The following RABL6 variants were observed in gnomAD, a reference collection of about 807,000 sequenced individuals.
RABL6 encodes rab-like protein 6.
RABL6 carries 28 observed loss-of-function variants against 72.9 expected under a neutral mutation model. The observed-to-expected ratio is 0.38, with a 90% CI of 0.28 to 0.53. RABL6 has a LOEUF of 0.53. Ranked by LOEUF, RABL6 falls within the 20% of genes least tolerant of loss-of-function variation. RABL6 has a pLI of 0.80. For missense variants in RABL6, 1,029 were observed against 1,008.4 expected, an observed-to-expected ratio of 1.02 and a Z score of -0.28; for synonymous variants, 477 against 421.2, an observed-to-expected ratio of 1.13 and a Z score of -1.62.
intron 7 of RABL6, among the ~76,000 whole-genome samples, chr9:136,834,927 T>A (rs1341488446): frequency 3.2e-5 from 4 of 126,212 alleles, no homozygotes; most frequent in Admixed American, 1.7e-4. Context: ...ATGACCCTGT[T>A]CTAAAAAAAA....
At chr9:136,833,270 G>A (rs1457511014) in intron 7 of RABL6, 3 of 291,402 alleles carry the variant, frequency 1.0e-5, no homozygotes, top group Non-Finnish European at 1.9e-5. Flanking sequence ...TGCCCCAGCT[G>A]GGTCTGGGGG....
intron 7 of RABL6, 164 bp from the exon 8 acceptor site, chr9:136,835,578 A>G (rs1848570259): frequency 1.7e-6 from 1 of 605,382 alleles, no homozygotes; most frequent in Non-Finnish European, 2.9e-6. Flanking sequence ...CTGTGGTTCA[A>G]GTGGGGCCCA....
At chr9:136,814,533 A>T (rs1280933688) in intron 1 of RABL6, 1 of 152,170 alleles carries the variant, frequency 6.6e-6, no homozygotes, top group African/African-American at 2.4e-5. Context: ...CAGGTTTCCA[A>T]CAAAGATTGA....
At chr9:136,825,478 G>T (rs1427192194) in intron 2 of RABL6, among the ~76,000 whole-genome samples, 3 of 147,664 alleles carry the variant, frequency 2.0e-5, no homozygotes, top group Non-Finnish European at 4.5e-5. Flanking sequence ...CAGGATCGGG[G>T]CCCTGGAGGG....
At position 136,840,704 on chromosome 9, in the gene RABL6, C is replaced by T. The variant is rs1472003690; in HGVS notation, c.*182C>T. 6.5e-7 allele frequency: 1 copy of T among 1,548,754 alleles called. No individual in the cohort carries two copies. Among genetic ancestry groups the T allele is most frequent in the South Asian group, 1.2e-5 (1 of 83,984 alleles). On this transcript the variant is annotated 3_prime_UTR_variant, in exon 15 of 15. Coordinates refer to ENST00000311502, the MANE Select transcript of RABL6 (RefSeq NM_024718.5). The stretch of plus-strand genomic sequence containing the variant: ...CCCTGCAGGTGCTGGGCCTTCAGGC[C>T]CAGTGTGAGCCTGCTCTGCAAGAAG...
chr9:136,839,617 C>CG, intron 12 of RABL6, 77 bp from the exon 13 acceptor site: 1 of 1,543,968 alleles, frequency 6.5e-7, no homozygotes, highest in Non-Finnish European at 8.8e-7. Flanking sequence ...TGGGCCTTGC[C>CG]GGCCTGGTTT....
In RABL6 at chr9:136,840,410, A is replaced by G. The variant is rs1247333748; in HGVS notation, c.2078A>G (p.Gln693Arg). 11 of 1,550,548 alleles carry G rather than the reference A, an allele frequency of 7.1e-6. No homozygotes were observed. The East Asian group carries it at 2.2e-4, about 31-fold the overall frequency. The change falls in exon 15 of 15, where the codon CAG becomes CGG. Residue 693 changes from glutamine to arginine, a missense_variant. Physicochemically the swap from Gln to Arg is conservative, Grantham distance 43 (BLOSUM62 1). Around this residue, in one of 2 missense-constraint regions of RABL6, gnomAD observed 595 missense variants for 472.4 expected, o/e 1.26. Transcript: ENST00000311502. ...EGKEERRRRQQRPPRSRERTA... is the reference protein window; with the variant it reads ...EGKEERRRRQRRPPRSRERTA... ...AAGGAGGAGCGGCGACGGCGGCAGCAGCGGCCCCCGCGCAGCAGGGAGAGG... is the reference window on the plus strand; with the variant it reads ...AAGGAGGAGCGGCGACGGCGGCAGCGGCGGCCCCCGCGCAGCAGGGAGAGG...
chr9:136,835,593 A>G, intron 7 of RABL6, 149 bp from the exon 8 acceptor site: 1 of 658,362 alleles, frequency 1.5e-6, no homozygotes, highest in Non-Finnish European at 2.6e-6. Context: ...GGCCCAGCGC[A>G]GAGCTCCATG....
At position 136,818,392 on chromosome 9, in the gene RABL6, AAAAAAAAAAAAAC is replaced by A. The variant is rs1223142488; in HGVS notation, c.131-5132_131-5120del. On this transcript the variant is annotated intron_variant, in intron 1 of 14. Transcript: ENST00000311502. ...AAAAAAAAAAAAAAAAAAAAAAAAA[AAAAAAAAAAAAAC>A]CAAAGGTAAGCAAAGAAACTGGTAA... 7.1e-4 allele frequency among the ~76,000 whole-genome samples: 22 copies of A among 31,062 alleles called. 2 individuals are homozygous for A. In the South Asian group the frequency reaches 8.7e-3, roughly 12 times the overall value. 20.4% of individuals were successfully genotyped at this position (31,062 alleles called of 152,430 possible). A position where few individuals can be genotyped will look rare whatever the true frequency, so the allele number is the denominator to read the frequency against.
At chr9:136,809,400 C>A in intron 1 of RABL6, 1 of 261,716 alleles carries the variant, frequency 3.8e-6, no homozygotes, top group South Asian at 3.9e-5. Flanking sequence ...GCAGACCACT[C>A]GGGCCACCCT....
rs572799760 is a variant in RABL6 at position 136,840,472 on chromosome 9, G to A, written c.2140G>A (p.Gly714Arg). 2.5e-5 allele frequency: 39 copies of A among 1,531,458 alleles called. 1 individual carries two copies. Among genetic ancestry groups the A allele is most frequent in the Admixed American group, 1.3e-4 (6 of 46,590 alleles). 94.9% of individuals were successfully genotyped at this position (1,531,458 alleles called of 1,614,324 possible). ...TGAGCTGGAGGCTTTCCTGGGGGGC[G>A]GGGCCCCGGGCGGCCGCCACCCTGG... is the stretch of plus-strand genomic sequence containing the variant. The part of the protein sequence containing the change: ...ADELEAFLGG[G>R]APGGRHPGGG... The change falls in exon 15 of 15, where the codon GGG (glycine) becomes AGG (arginine). Residue 714 changes from glycine to arginine, a missense_variant. Coordinates refer to ENST00000311502, the MANE Select transcript of RABL6 (RefSeq NM_024718.5).
intron 7 of RABL6, chr9:136,834,390 CACACATTACATTTGGTTG>C (rs1848545139): frequency 1.0e-6 from 1 of 988,640 alleles, no homozygotes; most frequent in Non-Finnish European, 1.2e-6. Context: ...ATCCAGAGTT[CACACATTACATTTGGTTG>C]ACAAGTCTGT....
At chr9:136,836,124 G>C in intron 8 of RABL6, 1 of 362,456 alleles carries the variant, frequency 2.8e-6, no homozygotes, top group South Asian at 4.8e-5. Context: ...ATGGAGTGCT[G>C]CTGGGGCTGC....
At chr9:136,831,590 G>C (rs755710194) in intron 5 of RABL6, 131 bp from the exon 6 acceptor site, 551 of 1,338,116 alleles carry the variant, frequency 4.1e-4, no homozygotes, top group Non-Finnish European at 5.0e-4. Context: ...CACGAGGCAT[G>C]CTTCTGCTGG....
intron 9 of RABL6, 76 bp from the exon 10 acceptor site, chr9:136,837,786 G>C: frequency 6.5e-6 from 10 of 1,541,148 alleles, no homozygotes; most frequent in Non-Finnish European, 8.8e-6. Context: ...GCACATCCCG[G>C]GTGGGCCTGG....
At position 136,840,328 on chromosome 9, in the gene RABL6, G is replaced by C. The variant is rs928094095; in HGVS notation, c.1996G>C (p.Glu666Gln). ...CCATCCTTGTGCTCCTCAGGAAGAA[G>C]AAAAAGCTGCCAAGAAGAAGAGCAA... Reference protein sequence around the residue: ...KKKKKGKEEEEKAAKKKSKHK... With the variant: ...KKKKKGKEEEQKAAKKKSKHK... The change falls in exon 15 of 15, where the codon GAA becomes CAA. Residue 666 changes from glutamate to glutamine, a missense_variant. This residue lies in a region of RABL6 where 595 missense variants were observed against 472.4 expected (regional missense o/e 1.26). Coordinates refer to ENST00000311502, the MANE Select transcript of RABL6 (RefSeq NM_024718.5). 1 of 1,582,350 alleles carries C rather than the reference G, an allele frequency of 6.3e-7. No homozygotes were observed. Among genetic ancestry groups the C allele is most frequent in the South Asian group, 1.1e-5 (1 of 88,094 alleles).
Position 136,839,367 on chromosome 9 carries a change from G to T in RABL6, c.1639G>T (p.Gly547Cys). ...CCCTGCTGAGATGGAGCCGGGGAAG[G>T]GTGAGCAGGCCTCCTCGTCGGAGAG... ...RPPAEMEPGK[G>C]EQASSSESDP... is the part of the protein sequence containing the mutation. The change falls in exon 12 of 15, where the codon GGT (glycine) becomes TGT (cysteine). Residue 547 changes from glycine (G) to cysteine (C), a missense_variant. Transcript: ENST00000311502. The T allele has an allele frequency of 6.2e-7, 1 of 1,612,700 alleles. No individual in the cohort carries two copies. Among genetic ancestry groups the T allele is most frequent in the Non-Finnish European group, 8.5e-7 (1 of 1,179,768 alleles).
chr9:136,810,570 T>G (rs542919196), intron 1 of RABL6, among the ~76,000 whole-genome samples: 5 of 152,306 alleles, frequency 3.3e-5, no homozygotes, highest in African/African-American at 1.2e-4. Context: ...AGTTTTGCGT[T>G]TTGCTGTGTC....
chr9:136,833,765 G>T, intron 7 of RABL6: 1 of 1,550,532 alleles, frequency 6.4e-7, no homozygotes, highest in Non-Finnish European at 8.7e-7. Context: ...TGTCGTCCTG[G>T]TGTCAGAAGA....
Sources: gnomAD v4.1 joint callset for allele counts (sites outside exome capture counted in the v4.1 genomes callset) on GRCh38, gnomAD v4.1.1 for gene constraint, gnomAD v4.1.1 regional missense constraint, MANE v1.5 for transcripts, NCBI Gene and HGNC (gene_info 2026-07-23, HGNC 2026-07-21) for gene names.